The following HAO1 variants were observed in gnomAD, a reference collection of about 807,000 sequenced individuals.
The protein encoded by HAO1 is hydroxyacid oxidase 1, also known as 2-Hydroxyacid oxidase 1.
A neutral mutation model predicts 39.7 loss-of-function variants in HAO1; 34 were observed. That is an observed-to-expected ratio of 0.86 (90% CI 0.65 to 1.14). The LOEUF is 1.14. HAO1 is among the 50% of genes most tolerant of loss of function. HAO1 has a pLI of 0.00. For missense variants in HAO1, 479 were observed against 464.5 expected, an observed-to-expected ratio of 1.03 and a Z score of -0.29; for synonymous variants, 172 against 173.2, an observed-to-expected ratio of 0.99 and a Z score of 0.05.
chr20:7,900,271 C>T (rs2050215737), intron 4 of HAO1, among the ~76,000 whole-genome samples: 1 of 152,192 alleles, frequency 6.6e-6, no homozygotes, highest in East Asian at 1.9e-4. Flanking sequence ...TGTTAGCAGC[C>T]ATCAACATCT....
chr20:7,927,154 G>T (rs771683569), intron 2 of HAO1, among the ~76,000 whole-genome samples: 7 of 152,028 alleles, frequency 4.6e-5, no homozygotes, highest in Non-Finnish European at 1.0e-4. Flanking sequence ...GGTTTCCATG[G>T]CAATGTTCTT....
chr20:7,934,129 A>G (rs1040136535), intron 2 of HAO1, among the ~76,000 whole-genome samples: 20 of 152,184 alleles, frequency 1.3e-4, no homozygotes, highest in Middle Eastern at 3.2e-3. Context: ...TTCCTGAGAC[A>G]GTACTATTAA....
intron 1 of HAO1, among the ~76,000 whole-genome samples, chr20:7,936,730 G>A (rs550627739): frequency 3.8e-4 from 58 of 152,022 alleles, no homozygotes; most frequent in Non-Finnish European, 6.8e-4. Context: ...TCTGTTCTGA[G>A]GATAATACAG....
chr20:7,932,040 T>C (rs1600122058), intron 2 of HAO1, among the ~76,000 whole-genome samples: 1 of 152,264 alleles, frequency 6.6e-6, no homozygotes, highest in Non-Finnish European at 1.5e-5. Context: ...GGTGATTGGA[T>C]CATGGGGGTG....
At chr20:7,887,276 T>C (rs2050155172) in intron 5 of HAO1, among the ~76,000 whole-genome samples, 1 of 152,196 alleles carries the variant, frequency 6.6e-6, no homozygotes, top group East Asian at 1.9e-4. Flanking sequence ...GTACAATTCC[T>C]ATTTAAAATG....
At chr20:7,933,613 C>T (rs903502078) in intron 2 of HAO1, among the ~76,000 whole-genome samples, 5 of 152,292 alleles carry the variant, frequency 3.3e-5, no homozygotes, top group Middle Eastern at 3.4e-3. Flanking sequence ...TCAGACATTT[C>T]AAGAAGGGAA....
At chr20:7,929,891 G>A (rs1020396889) in intron 2 of HAO1, among the ~76,000 whole-genome samples, 3 of 152,028 alleles carry the variant, frequency 2.0e-5, no homozygotes, top group Non-Finnish European at 2.9e-5. Context: ...CTCAGTTCTC[G>A]GTCCCAGTTA....
At chr20:7,918,037 T>C (rs928039800) in intron 2 of HAO1, among the ~76,000 whole-genome samples, 5 of 152,194 alleles carry the variant, frequency 3.3e-5, no homozygotes, top group Non-Finnish European at 7.3e-5. Flanking sequence ...AATAAGTAAA[T>C]CATACATGGC....
rs1057212214 is a variant in HAO1, at chr20:7,934,553, G to A, written c.220C>T (p.Pro74Ser). 1.9e-6 allele frequency: 3 copies of A among 1,613,008 alleles called. No individual in the cohort carries two copies. The highest frequency in any genetic ancestry group is 1.3e-5 in the African/African-American group (1 of 74,840). Residue 74 changes from proline to serine, a missense_variant, in exon 2 of 8, where the codon CCA (proline) becomes TCA (serine). Coordinates refer to ENST00000378789, the MANE Select transcript of HAO1 (RefSeq NM_017545.3). ...TSVLGQRVSM[P>S]ICVGATAMQR... ...ATGGCCGTAGCCCCCACACATATTG[G>A]CATGCTGACCCTCTGTCCTAAAACA... is the stretch of plus-strand genomic sequence containing the variant.
chr20:7,936,351 C>G lies in HAO1; in HGVS notation c.138-1716G>C, dbSNP rs147350883. On this transcript the variant is annotated intron_variant, in intron 1 of 7. Coordinates refer to ENST00000378789, the MANE Select transcript of HAO1 (RefSeq NM_017545.3). ...AAGCCTTGAAGAGAGTTTTTATTAC[C>G]AATCATCTCTAAGTGTGTTATTAGA... Among the ~76,000 whole-genome samples the G allele has an allele frequency of 7.1e-3, 1,083 of 152,166 alleles. 10 individuals carry two copies. Among genetic ancestry groups the G allele is most frequent in the African/African-American group, 0.025 (1,030 of 41,496 alleles).
At chr20:7,890,668 C>A (rs746449188) in intron 5 of HAO1, among the ~76,000 whole-genome samples, 1 of 152,086 alleles carries the variant, frequency 6.6e-6, no homozygotes, top group Non-Finnish European at 1.5e-5. Context: ...ATACACTGCA[C>A]CATATTTGTT....
chr20:7,886,093 C>A (rs1205409894), intron 5 of HAO1, among the ~76,000 whole-genome samples: 1 of 152,020 alleles, frequency 6.6e-6, no homozygotes, highest in Non-Finnish European at 1.5e-5. Context: ...TTTTAAAGTG[C>A]AAGGTTGTCT....
At chr20:7,890,307 G>T (rs6055367) in intron 5 of HAO1, among the ~76,000 whole-genome samples, 1 of 151,932 alleles carries the variant, frequency 6.6e-6, no homozygotes, top group Non-Finnish European at 1.5e-5. Flanking sequence ...TCCATCTCCC[G>T]GGTTCAAGTG....
At chr20:7,895,676 A>G (rs1228466562) in intron 4 of HAO1, among the ~76,000 whole-genome samples, 2 of 152,038 alleles carry the variant, frequency 1.3e-5, no homozygotes, top group African/African-American at 4.8e-5. Context: ...ACAATCTTTA[A>G]TAACAAGTTG....
rs2205820 is a variant in HAO1 at position 7,902,531 on chromosome 20, A to G, written c.721+3623T>C. Among the ~76,000 whole-genome samples, 1,019 of 152,324 alleles carry G rather than the reference A, an allele frequency of 6.7e-3. 15 individuals are homozygous for G. The highest frequency in any genetic ancestry group is 0.023 in the African/African-American group (969 of 41,566). On this transcript the variant is annotated intron_variant, in intron 4 of 7. Coordinates refer to ENST00000378789, the MANE Select transcript of HAO1 (RefSeq NM_017545.3). ...CAAAATAGACTACAGTATAGCAAAA[A>G]CATAACTTTCATATGCACTGGGAAG...
chr20:7,921,387 A>G (rs1263541193), intron 2 of HAO1, among the ~76,000 whole-genome samples: 1 of 152,166 alleles, frequency 6.6e-6, no homozygotes, highest in African/African-American at 2.4e-5. Flanking sequence ...AAGAAATGCA[A>G]ATCAAAACCA....
intron 4 of HAO1, among the ~76,000 whole-genome samples, chr20:7,896,569 G>C (rs934049803): frequency 4.0e-5 from 6 of 151,338 alleles, no homozygotes; most frequent in African/African-American, 1.5e-4. Context: ...TAAAATTATA[G>C]GTATAGGAAA....
intron 5 of HAO1, among the ~76,000 whole-genome samples, chr20:7,886,189 T>C (rs1398999392): frequency 6.6e-6 from 1 of 152,118 alleles, no homozygotes; most frequent in Non-Finnish European, 1.5e-5. Context: ...TTTGTTTTTT[T>C]TTGAGAGAGG....
chr20:7,903,450 G>T (rs546118086), intron 4 of HAO1, among the ~76,000 whole-genome samples: 55 of 152,180 alleles, frequency 3.6e-4, no homozygotes, highest in Non-Finnish European at 6.2e-4. Flanking sequence ...AAGAGAGGTG[G>T]TGATGATGGT....
Sources: gnomAD v4.1 joint callset for allele counts (sites outside exome capture counted in the v4.1 genomes callset) on GRCh38, gnomAD v4.1.1 for gene constraint, MANE v1.5 for transcripts, NCBI Gene and HGNC (gene_info 2026-07-23, HGNC 2026-07-21) for gene names.